Variants in ARID1B observed in about 807,000 individuals in gnomAD.
The protein encoded by ARID1B is AT-rich interactive domain-containing protein 1B.
A neutral mutation model predicts 212.3 loss-of-function variants in ARID1B; 30 were observed. The ratio of observed to expected loss-of-function variants is 0.14; its 90% CI spans 0.11 to 0.19. The LOEUF is 0.19. Among genes scored for constraint, ARID1B ranks in the 10% least tolerant of loss-of-function variants. The pLI is 1.00. For missense variants in ARID1B, 2,891 were observed against 3,204.0 expected, an observed-to-expected ratio of 0.90 and a Z score of 2.36; for synonymous variants, 1,402 against 1,301.7, an observed-to-expected ratio of 1.08 and a Z score of -1.66.
At chr6:157,161,431 G>GTGTGTGTATATA (rs540423195) in intron 8 of ARID1B, among the ~76,000 whole-genome samples, 4 of 139,408 alleles carry the variant, frequency 2.9e-5, no homozygotes, top group African/African-American at 1.1e-4. Context: ...TTGTGTGTGT[G>GTGTGTGTATATA]TATATATATA....
At chr6:156,788,005 C>A (rs558321907) in intron 1 of ARID1B, among the ~76,000 whole-genome samples, 42 of 152,270 alleles carry the variant, frequency 2.8e-4, no homozygotes, top group African/African-American at 9.4e-4. Flanking sequence ...TGGCCCCTCT[C>A]TTCTCTGCCT....
intron 5 of ARID1B, among the ~76,000 whole-genome samples, chr6:157,095,880 G>GC (rs1785587623): frequency 6.6e-6 from 1 of 151,714 alleles, no homozygotes. Flanking sequence ...TTTAAGAGAA[G>GC]CGAGCCTCAG....
chr6:157,012,883 T>C (rs1779697219), intron 4 of ARID1B, among the ~76,000 whole-genome samples: 3 of 152,170 alleles, frequency 2.0e-5, no homozygotes, highest in Admixed American at 6.5e-5. Context: ...TGTTTTGTTT[T>C]GTTTCGTTTT....
At chr6:157,001,364 GT>G (rs1340545839) in intron 4 of ARID1B, among the ~76,000 whole-genome samples, 2 of 152,242 alleles carry the variant, frequency 1.3e-5, no homozygotes, top group East Asian at 3.9e-4. Context: ...GTCCCCCTCA[GT>G]CTACCTGGAT....
chr6:156,848,653 C>T (rs1323162294), intron 2 of ARID1B, among the ~76,000 whole-genome samples: 1 of 152,182 alleles, frequency 6.6e-6, no homozygotes, highest in Non-Finnish European at 1.5e-5. Context: ...TGGATTTGGC[C>T]TGATCCTCAG....
In ARID1B at chr6:157,203,823, TA is replaced by T. The variant is rs758484014; in HGVS notation, c.5264-42del. ...TCGTTAACTTTCGTTCTTTCATGCATAGAGTCAACATTCATGATATCCTTGT... is the reference window on the plus strand; with the variant it reads ...TCGTTAACTTTCGTTCTTTCATGCATGAGTCAACATTCATGATATCCTTGT... On this transcript the variant is annotated intron_variant, in intron 18 of 19. Coordinates refer to ENST00000636930, the MANE Select transcript of ARID1B (RefSeq NM_001374828.1). This position sits in a 1 kb window ranked among gnomAD's most constrained non-coding sequence, Gnocchi z 4.4. 1.9e-6 allele frequency: 3 copies of T among 1,611,156 alleles called. No individual in the cohort carries two copies. In the Admixed American group the frequency reaches 5.0e-5, roughly 27 times the overall value.
chr6:157,005,572 A>C (rs558283754), intron 4 of ARID1B, among the ~76,000 whole-genome samples: 4 of 152,224 alleles, frequency 2.6e-5, no homozygotes, highest in South Asian at 2.1e-4. Context: ...AGAGTAGGCA[A>C]GTAAGAAAAC....
chr6:156,795,649 T>C (rs1389677913), intron 1 of ARID1B, among the ~76,000 whole-genome samples: 2 of 152,138 alleles, frequency 1.3e-5, no homozygotes, highest in Non-Finnish European at 2.9e-5. Flanking sequence ...GATTCAGTGG[T>C]GTTAGGAGGT....
At chr6:157,107,926 A>G (rs533952965) in intron 5 of ARID1B, 4 of 152,192 alleles carry the variant, frequency 2.6e-5, no homozygotes, top group Non-Finnish European at 4.4e-5. Context: ...TCTTCTTTAC[A>G]TGGGCCAAGG....
At chr6:156,890,540 G>T (rs761168424) in intron 2 of ARID1B, among the ~76,000 whole-genome samples, 3 of 152,142 alleles carry the variant, frequency 2.0e-5, no homozygotes, top group Non-Finnish European at 2.9e-5. Context: ...TTAAAAACTG[G>T]CAATGTTTAT....
At chr6:156,987,626 G>A (rs934321737) in intron 4 of ARID1B, among the ~76,000 whole-genome samples, 23 of 152,140 alleles carry the variant, frequency 1.5e-4, no homozygotes, top group Admixed American at 1.3e-4. Flanking sequence ...CACCACGCCC[G>A]GCCCAGTGCT....
At chr6:156,951,403 A>T (rs1793577357) in intron 4 of ARID1B, among the ~76,000 whole-genome samples, 1 of 152,104 alleles carries the variant, frequency 6.6e-6, no homozygotes, top group Non-Finnish European at 1.5e-5. Context: ...AAAAATTGGG[A>T]TTACCTAATT....
intron 4 of ARID1B, among the ~76,000 whole-genome samples, chr6:157,076,777 A>C (rs1784339301): frequency 6.6e-6 from 1 of 152,186 alleles, no homozygotes; most frequent in Non-Finnish European, 1.5e-5. Context: ...ATTTACTTTC[A>C]AAAGCACATG....
intron 4 of ARID1B, among the ~76,000 whole-genome samples, chr6:157,015,052 T>C (rs1226045971): frequency 6.6e-6 from 1 of 152,224 alleles, no homozygotes; most frequent in Non-Finnish European, 1.5e-5. Flanking sequence ...TGACATTTGA[T>C]GCCACGTGTC....
intron 4 of ARID1B, among the ~76,000 whole-genome samples, chr6:156,979,334 T>C (rs560643332): frequency 6.6e-6 from 1 of 152,288 alleles, no homozygotes; most frequent in African/African-American, 2.4e-5. Context: ...CAGAATATGG[T>C]GTTAGGTGAA....
At chr6:156,788,070 C>CTTCG in intron 1 of ARID1B, among the ~76,000 whole-genome samples, 1 of 152,114 alleles carries the variant, frequency 6.6e-6, no homozygotes, top group South Asian at 2.1e-4. Flanking sequence ...TCCTGCTGTA[C>CTTCG]TTCGGGGTGT....
At chr6:157,075,733 A>G (rs966108168) in intron 4 of ARID1B, among the ~76,000 whole-genome samples, 9 of 152,276 alleles carry the variant, frequency 5.9e-5, no homozygotes, top group East Asian at 1.9e-4. Flanking sequence ...TATGAAGGAC[A>G]CTTCACTTCT....
intron 3 of ARID1B, among the ~76,000 whole-genome samples, chr6:156,902,380 C>T (rs1475729257): frequency 6.6e-6 from 1 of 152,112 alleles, no homozygotes; most frequent in Non-Finnish European, 1.5e-5. Context: ...AGAAGGTGAA[C>T]ACATGTAGCA....
intron 4 of ARID1B, 67 bp downstream of exon 4, chr6:156,935,643 T>C: frequency 1.5e-6 from 2 of 1,353,414 alleles, no homozygotes; most frequent in Non-Finnish European, 2.1e-6. Flanking sequence ...GCTGTTGTTT[T>C]TGTTTGTTCT....
Sources: gnomAD v4.1 joint callset for allele counts (sites outside exome capture counted in the v4.1 genomes callset) on GRCh38, gnomAD v4.1.1 for gene constraint, Gnocchi (gnomAD v3.1) non-coding constraint, MANE v1.5 for transcripts, NCBI Gene and HGNC (gene_info 2026-07-23, HGNC 2026-07-21) for gene names.